The following POLR3B variants were observed in gnomAD, a reference collection of about 807,000 sequenced individuals.
The protein encoded by POLR3B is DNA-directed RNA polymerase III subunit RPC2.
A neutral mutation model predicts 147.4 loss-of-function variants in POLR3B; 96 were observed. The observed-to-expected ratio is 0.65, with a 90% confidence interval of 0.55 to 0.77. POLR3B has a LOEUF of 0.77. Ranked by LOEUF, POLR3B falls within the 30% of genes least tolerant of loss-of-function variation. The probability of loss-of-function intolerance (pLI) is 0.00; values close to 1 mark genes in which losing one functional copy is unlikely to be tolerated. For synonymous variants in POLR3B, 461 were observed against 485.9 expected, an observed-to-expected ratio of 0.95 and a Z score of 0.67; for missense variants, 1,036 against 1,413.5, an observed-to-expected ratio of 0.73 and a Z score of 4.28.
intron 23 of POLR3B, among the ~76,000 whole-genome samples, chr12:106,466,224 ATGTC>A (rs2137039608): frequency 6.6e-6 from 1 of 152,128 alleles, no homozygotes; most frequent in African/African-American, 2.4e-5. Flanking sequence ...ATTTTTTCAT[ATGTC>A]TGTTGGCTGC....
chr12:106,370,291 T>A (rs946411588), intron 6 of POLR3B, among the ~76,000 whole-genome samples: 1 of 152,236 alleles, frequency 6.6e-6, no homozygotes, highest in Admixed American at 6.5e-5. Context: ...CATCCATTTG[T>A]TCAATAAATA....
chr12:106,386,420 C>T (rs2036838868), intron 9 of POLR3B, among the ~76,000 whole-genome samples: 2 of 151,106 alleles, frequency 1.3e-5, no homozygotes, highest in African/African-American at 2.4e-5. Context: ...TCCCATGCAT[C>T]CAAAGGACTT....
chr12:106,424,883 C>A (rs2037416518), intron 12 of POLR3B, among the ~76,000 whole-genome samples: 1 of 152,134 alleles, frequency 6.6e-6, no homozygotes, highest in Admixed American at 6.5e-5. Context: ...AATCCATGAA[C>A]ATATCATCTC....
rs775981204 is a variant in POLR3B, at chr12:106,405,909, G to A, written c.899G>A (p.Gly300Glu). 1.2e-5 allele frequency: 19 copies of A among 1,613,298 alleles called. No individual in the cohort carries two copies. Among genetic ancestry groups the A allele is most frequent in the Non-Finnish European group, 1.6e-5 (19 of 1,179,440 alleles). ...AGAAGGCAAAGGATGTGGGGAGGTG[G>A]ACCAAAGAAAACCAAAATAGAAGAA... is the stretch of plus-strand genomic sequence containing the variant. ...KVRRQRMWGG[G>E]PKKTKIEEAR... Residue 300 changes from glycine to glutamate, a missense_variant, in exon 11 of 28, where the codon GGA becomes GAA. By Grantham distance (98) the Gly-to-Glu change is moderately conservative. This residue lies in a region of POLR3B where 217 missense variants were observed against 288.7 expected (regional missense o/e 0.75). Coordinates refer to ENST00000228347, the MANE Select transcript of POLR3B (RefSeq NM_018082.6).
intron 7 of POLR3B, among the ~76,000 whole-genome samples, chr12:106,377,548 A>C (rs567552840): frequency 2.0e-4 from 30 of 152,314 alleles, no homozygotes; most frequent in Non-Finnish European, 4.1e-4. Flanking sequence ...TATTTTGGAA[A>C]CCTAATCTTA....
chr12:106,421,300 AAGG>A (rs1440344479), intron 12 of POLR3B, among the ~76,000 whole-genome samples: 1 of 152,022 alleles, frequency 6.6e-6, no homozygotes, highest in East Asian at 1.9e-4. Context: ...GAGTTTCTCT[AAGG>A]AGGATTGCCT....
In POLR3B at chr12:106,433,765, A is replaced by C. The variant is rs1263191881; in HGVS notation, c.1674A>C (p.Thr558=). The C allele has an allele frequency of 3.7e-6, 6 of 1,613,666 alleles. No individual in the cohort carries two copies. The highest frequency in any genetic ancestry group is 5.1e-6 in the Non-Finnish European group (6 of 1,179,676). Residue 558 remains threonine, a synonymous_variant, in exon 16 of 28, where the codon ACA becomes ACC. Transcript: ENST00000228347. The part of the protein sequence containing the change: ...VIRDHKKLVN[T]FRLMRRAGYI... Reference sequence around the variant, plus strand: ...GAGACCACAAAAAGCTAGTGAATACATTTCGACTCATGAGAAGAGCAGGAT... The same window carrying C: ...GAGACCACAAAAAGCTAGTGAATACCTTTCGACTCATGAGAAGAGCAGGAT...
chr12:106,438,772 G>T (rs541408806), intron 18 of POLR3B, among the ~76,000 whole-genome samples: 1 of 152,338 alleles, frequency 6.6e-6, no homozygotes, highest in South Asian at 2.1e-4. Flanking sequence ...TGTTAGAGAT[G>T]ATTTTTGTCC....
At chr12:106,385,071 G>A (rs929403511) in intron 9 of POLR3B, among the ~76,000 whole-genome samples, 4 of 152,122 alleles carry the variant, frequency 2.6e-5, no homozygotes, top group Non-Finnish European at 4.4e-5. Flanking sequence ...TGATCCTCCC[G>A]CCTTGGCCTC....
chr12:106,501,284 C>A, intron 25 of POLR3B, 39 bp from the exon 26 acceptor site: 2 of 1,328,590 alleles, frequency 1.5e-6, no homozygotes, highest in Non-Finnish European at 2.2e-6. Flanking sequence ...TTAGCCCAAA[C>A]TTAGTTTCTT....
intron 11 of POLR3B, among the ~76,000 whole-genome samples, chr12:106,408,247 A>G (rs2037175872): frequency 6.6e-6 from 1 of 152,190 alleles, no homozygotes; most frequent in South Asian, 2.1e-4. Flanking sequence ...TTTGGAAAGT[A>G]TTGTTTAGGT....
At position 106,504,345 on chromosome 12, in the gene POLR3B, C is replaced by G; in HGVS notation, c.3272+91C>G. 1 of 1,044,208 alleles carries G rather than the reference C, an allele frequency of 9.6e-7. No individual in the cohort carries two copies. The highest frequency in any genetic ancestry group is 1.5e-6 in the Non-Finnish European group (1 of 662,464). 64.7% of individuals were successfully genotyped at this position (1,044,208 alleles called of 1,614,324 possible). Reference sequence around the variant, plus strand: ...ACCCTGGATCCTATCCGCATATTCTCCAGCCTCTGTCTGTGATCACTAACA... The same window carrying G: ...ACCCTGGATCCTATCCGCATATTCTGCAGCCTCTGTCTGTGATCACTAACA... On this transcript the variant is annotated intron_variant, in intron 27 of 27. Transcript: ENST00000228347. The surrounding 1 kb of genome is among the most constrained non-coding windows in gnomAD (Gnocchi z 4.6).
chr12:106,444,614 G>A (rs2037698457), intron 19 of POLR3B, 24 bp downstream of exon 19: 1 of 1,611,824 alleles, frequency 6.2e-7, no homozygotes, highest in African/African-American at 1.3e-5. Flanking sequence ...CTTGAAAGTT[G>A]GTTCTAAATA....
chr12:106,459,290 C>A lies in POLR3B; in HGVS notation c.2492C>A (p.Ser831Tyr). Residue 831 changes from serine (S) to tyrosine (Y), a missense_variant, in exon 22 of 28, where the codon TCC becomes TAC. Physicochemically the swap from Ser to Tyr is moderately radical, Grantham distance 144. Coordinates refer to ENST00000228347, the MANE Select transcript of POLR3B (RefSeq NM_018082.6). ...AACAAACAAGTGCTTGTAAATAAGT[C>A]CATGCCCACAGTGACTCAGATTCCT... ...VENKQVLVNK[S>Y]MPTVTQIPLE... 6.2e-7 allele frequency: 1 copy of A among 1,609,752 alleles called. No homozygotes were observed. Among genetic ancestry groups the A allele is most frequent in the South Asian group, 1.1e-5 (1 of 90,986 alleles).
rs1194188788 is a variant in POLR3B, at chr12:106,378,665, T to A, written c.614+281T>A. ...GAAAGGAGATTTAAAAAAAAAAAAA[T>A]AAAACCACTCTTCAGTTTTTCACAC... On this transcript the variant is annotated intron_variant, in intron 8 of 27. Transcript: ENST00000228347. Among the ~76,000 whole-genome samples the A allele has an allele frequency of 2.0e-5, 3 of 151,464 alleles. No individual in the cohort carries two copies. In the East Asian group the frequency reaches 5.8e-4, roughly 29 times the overall value.
At chr12:106,403,752 T>C (rs1009639868) in intron 10 of POLR3B, among the ~76,000 whole-genome samples, 2 of 135,680 alleles carry the variant, frequency 1.5e-5, no homozygotes, top group African/African-American at 5.6e-5. Flanking sequence ...TAGGTGGGAA[T>C]TGAACAATGA....
intron 13 of POLR3B, among the ~76,000 whole-genome samples, chr12:106,428,985 C>G (rs113865630): frequency 2.1e-3 from 317 of 152,250 alleles, no homozygotes; most frequent in African/African-American, 7.1e-3. Context: ...GGGTTTTTAA[C>G]CTGGGATCCA....
intron 14 of POLR3B, 121 bp from the exon 15 acceptor site, chr12:106,432,197 C>A (rs528333956): frequency 1.2e-6 from 1 of 821,214 alleles, no homozygotes; most frequent in African/African-American, 1.7e-5. Context: ...ACCACAGTAT[C>A]CCCTACAAAG....
At chr12:106,499,590 C>T (rs117779988) in intron 25 of POLR3B, among the ~76,000 whole-genome samples, 2,663 of 152,234 alleles carry the variant, frequency 0.017, 40 homozygotes, top group South Asian at 0.027. Context: ...ATTGGGTAAC[C>T]GAGTGTCATA....
Sources: allele counts gnomAD v4.1 joint callset (sites outside exome capture counted in the v4.1 genomes callset), GRCh38; gene constraint gnomAD v4.1.1; regional missense constraint gnomAD v4.1.1; non-coding constraint Gnocchi (gnomAD v3.1); transcripts MANE v1.5; gene names NCBI Gene and HGNC (gene_info 2026-07-23, HGNC 2026-07-21).